The following TINAGL1 variants were observed in gnomAD, a reference collection of about 807,000 sequenced individuals.
TINAGL1 encodes the protein tubulointerstitial nephritis antigen-like.
A neutral mutation model predicts 62.0 loss-of-function variants in TINAGL1; 34 were observed. That is an observed-to-expected ratio of 0.55 (90% CI 0.42 to 0.73). The LOEUF (loss-of-function observed/expected upper bound fraction) is 0.73. Ranked by LOEUF, TINAGL1 falls within the 30% of genes least tolerant of loss-of-function variation. The probability of loss-of-function intolerance (pLI) is 0.00; values close to 1 mark genes in which losing one functional copy is unlikely to be tolerated. For missense variants in TINAGL1, 516 were observed against 653.2 expected, an observed-to-expected ratio of 0.79 and a Z score of 2.29; for synonymous variants, 221 against 249.7, an observed-to-expected ratio of 0.88 and a Z score of 1.08.
chr1:31,580,199 C>CTCTCTGTCTCTCTCTG (rs1553149081), intron 3 of TINAGL1: 3 of 389,506 alleles, frequency 7.7e-6, no homozygotes, highest in Admixed American at 2.2e-4. Flanking sequence ...CTCTCTCTCT[C>CTCTCTGTCTCTCTCTG]TCTCTCTCTC....
At position 31,577,002 on chromosome 1, in the gene TINAGL1, T is replaced by C; in HGVS notation, c.-15-132T>C. 1 of 822,174 alleles carries C rather than the reference T, an allele frequency of 1.2e-6. No individual in the cohort carries two copies. Among genetic ancestry groups the C allele is most frequent in the South Asian group, 2.0e-5 (1 of 51,206 alleles). The allele number at this position is 822,174 out of a possible 1,614,324, so 50.9% of individuals were successfully genotyped here. A position where few individuals can be genotyped will look rare whatever the true frequency, so the allele number is the denominator to read the frequency against. ...ACACACTGGGGCTCCTCTGCCCGTG[T>C]CCTGCCTGGGGACTCAGGAATCGGG... On this transcript the variant is annotated intron_variant, in intron 1 of 11. Transcript: ENST00000271064. This position sits in a 1 kb window ranked among gnomAD's most constrained non-coding sequence, Gnocchi z 5.4.
rs760469425 is a variant in TINAGL1, at chr1:31,585,052, G to A, written c.857+16G>A. 1.3e-6 allele frequency: 2 copies of A among 1,586,654 alleles called. No homozygotes were observed. Among genetic ancestry groups the A allele is most frequent in the Non-Finnish European group, 1.7e-6 (2 of 1,162,082 alleles). The stretch of plus-strand genomic sequence containing the variant: ...GTCGCCGAGGGTATGCAGCAACAGG[G>A]GATGTGGGCAGAGAAGAGGGCAAGG... On this transcript the variant is annotated intron_variant, in intron 7 of 11. Coordinates refer to ENST00000271064, the MANE Select transcript of TINAGL1 (RefSeq NM_022164.3). The surrounding 1 kb of genome is among the most constrained non-coding windows in gnomAD (Gnocchi z 4.3).
In TINAGL1 at chr1:31,585,234, G is replaced by T; in HGVS notation, c.941G>T (p.Arg314Leu). Reference sequence around the variant, plus strand: ...GCGCCCCCCTGTATGATGCACAGCCGAGCCATGGGTCGGGGCAAGCGCCAG... The same window carrying T: ...GCGCCCCCCTGTATGATGCACAGCCTAGCCATGGGTCGGGGCAAGCGCCAG... ...GPAPPCMMHS[R>L]AMGRGKRQAT... Residue 314 changes from arginine (R) to leucine (L), a missense_variant, in exon 8 of 12, where the codon CGA becomes CTA. Transcript: ENST00000271064. This position sits in a 1 kb window ranked among gnomAD's most constrained non-coding sequence, Gnocchi z 4.3. 6.2e-7 allele frequency: 1 copy of T among 1,613,490 alleles called. No homozygotes were observed. Among genetic ancestry groups the T allele is most frequent in the Non-Finnish European group, 8.5e-7 (1 of 1,179,724 alleles).
Position 31,582,515 on chromosome 1 carries a change from T to C in TINAGL1, c.375-634T>C, listed in dbSNP as rs10914445. ...TGTGATGTGAAGCCAGTGGAGGGTTTTGGGCAGAGGAACGACATGATATGA... is the reference window on the plus strand; with the variant it reads ...TGTGATGTGAAGCCAGTGGAGGGTTCTGGGCAGAGGAACGACATGATATGA... On this transcript the variant is annotated intron_variant, in intron 3 of 11. Transcript: ENST00000271064. 3.0e-3 allele frequency among the ~76,000 whole-genome samples: 463 copies of C among 152,160 alleles called. 3 individuals are homozygous for C. Among genetic ancestry groups the C allele is most frequent in the African/African-American group, 0.01 (418 of 41,498 alleles).
chr1:31,577,074 T>C lies in TINAGL1; in HGVS notation c.-15-60T>C. The stretch of plus-strand genomic sequence containing the variant: ...TCTTGAACTCACAGCTCCAGGAAAC[T>C]GGGAGACTCATCCCTGGTGTTCCAG... On this transcript the variant is annotated intron_variant, in intron 1 of 11. Coordinates refer to ENST00000271064, the MANE Select transcript of TINAGL1 (RefSeq NM_022164.3). This position sits in a 1 kb window ranked among gnomAD's most constrained non-coding sequence, Gnocchi z 5.4. 1 of 1,371,022 alleles carries C rather than the reference T, an allele frequency of 7.3e-7. No individual in the cohort carries two copies. The highest frequency in any genetic ancestry group is 9.6e-7 in the Non-Finnish European group (1 of 1,042,446). 84.9% of individuals were successfully genotyped at this position (1,371,022 alleles called of 1,614,324 possible).
In TINAGL1 at chr1:31,579,020, G is replaced by C. The variant is rs184592497; in HGVS notation, c.311-184G>C. Among the ~76,000 whole-genome samples, 126 of 150,910 alleles carry C rather than the reference G, an allele frequency of 8.3e-4. 21 individuals carry two copies. In the East Asian group the frequency reaches 0.024, roughly 29 times the overall value. On this transcript the variant is annotated intron_variant, in intron 2 of 11. Coordinates refer to ENST00000271064, the MANE Select transcript of TINAGL1 (RefSeq NM_022164.3). ...AGCTGGTGTGTGTGTGTGTGTGTGT[G>C]TGTGATGTCTTCAGTTATAGTTTAA...
At chr1:31,580,053 T>C (rs944088423) in intron 3 of TINAGL1, among the ~76,000 whole-genome samples, 1 of 144,622 alleles carries the variant, frequency 6.9e-6, no homozygotes, top group East Asian at 2.2e-4. Context: ...TCAGCGTGAC[T>C]GTGTGTGCAC....
rs1251414401 is a variant in TINAGL1 at position 31,576,646 on chromosome 1, CAG to C, written c.-16+52_-16+53del. 1.3e-5 allele frequency: 2 copies of C among 154,568 alleles called. No individual in the cohort carries two copies. The highest frequency in any genetic ancestry group is 1.4e-5 in the Non-Finnish European group (1 of 69,920). 9.6% of individuals were successfully genotyped at this position (154,568 alleles called of 1,614,324 possible). On this transcript the variant is annotated intron_variant, in intron 1 of 11. Coordinates refer to ENST00000271064, the MANE Select transcript of TINAGL1 (RefSeq NM_022164.3). This position sits in a 1 kb window ranked among gnomAD's most constrained non-coding sequence, Gnocchi z 5.1. ...GCGGAAGGTGTAGACAGAGAAGAAA[CAG>C]GGGGAGGGGGCAGGTAGAGGAACCA...
In TINAGL1 at chr1:31,584,801, G is replaced by A; in HGVS notation, c.706G>A (p.Ala236Thr). ...CAGSWAFSTA[A>T]VASDRVSIHS... ...AGGCTCCTGGGCCTTCTCCACAGCA[G>A]GTAAGCCAAGGGCAAGGGCTGGCGC... Residue 236 changes from alanine to threonine, a missense_variant and splice_region_variant, in exon 6 of 12, where the codon GCT becomes ACT. By Grantham distance (58) the Ala-to-Thr change is moderately conservative. Coordinates refer to ENST00000271064, the MANE Select transcript of TINAGL1 (RefSeq NM_022164.3). This position sits in a 1 kb window ranked among gnomAD's most constrained non-coding sequence, Gnocchi z 4.0. 1 of 1,614,260 alleles carries A rather than the reference G, an allele frequency of 6.2e-7. No homozygotes were observed. The highest frequency in any genetic ancestry group is 1.1e-5 in the South Asian group (1 of 91,086).
chr1:31,577,047 C>A lies in TINAGL1; in HGVS notation c.-15-87C>A. 1 of 1,214,336 alleles carries A rather than the reference C, an allele frequency of 8.2e-7. No homozygotes were observed. The highest frequency in any genetic ancestry group is 1.1e-6 in the Non-Finnish European group (1 of 902,652). 75.2% of individuals were successfully genotyped at this position (1,214,336 alleles called of 1,614,324 possible). On this transcript the variant is annotated intron_variant, in intron 1 of 11. Transcript: ENST00000271064. This position sits in a 1 kb window ranked among gnomAD's most constrained non-coding sequence, Gnocchi z 5.4. ...ATCGGGATCTCCCTCCCTGCTGGGC[C>A]CTCTTGAACTCACAGCTCCAGGAAA... is the stretch of plus-strand genomic sequence containing the variant.
In TINAGL1 at chr1:31,577,245, C is replaced by T. The variant is rs770333646; in HGVS notation, c.97C>T (p.Pro33Ser). ...GGGTCGTGGGCGCCGGGAGCTAGCA[C>T]CGGGTCTGCACCTGCGGGGCATCCG... is the stretch of plus-strand genomic sequence containing the variant. Reference protein sequence around the residue: ...QQGRGRRELAPGLHLRGIRDA... With the variant: ...QQGRGRRELASGLHLRGIRDA... Residue 33 changes from proline (P) to serine (S), a missense_variant, in exon 2 of 12, where the codon CCG becomes TCG. Physicochemically the swap from Pro to Ser is moderately conservative, Grantham distance 74. Coordinates refer to ENST00000271064, the MANE Select transcript of TINAGL1 (RefSeq NM_022164.3). This position sits in a 1 kb window ranked among gnomAD's most constrained non-coding sequence, Gnocchi z 5.4. 2 of 1,609,226 alleles carry T rather than the reference C, an allele frequency of 1.2e-6. No individual in the cohort carries two copies. The highest frequency in any genetic ancestry group is 1.7e-6 in the Non-Finnish European group (2 of 1,178,480).
intron 10 of TINAGL1, chr1:31,586,133 A>G (rs939758168): frequency 2.6e-6 from 1 of 392,010 alleles, no homozygotes; most frequent in Non-Finnish European, 4.5e-6. Flanking sequence ...GAGAGCCTCA[A>G]GAGTTTCTCA....
chr1:31,582,911 A>T (rs1021627114), intron 3 of TINAGL1, among the ~76,000 whole-genome samples: 1 of 152,070 alleles, frequency 6.6e-6, no homozygotes, highest in Admixed American at 6.5e-5. Flanking sequence ...AGTGATGTTG[A>T]GTAGCCGTGA....
At position 31,584,283 on chromosome 1, in the gene TINAGL1, G is replaced by A; in HGVS notation, c.583-395G>A. The A allele has an allele frequency of 4.9e-6, 1 of 202,560 alleles. No individual in the cohort carries two copies. Among genetic ancestry groups the A allele is most frequent in the Non-Finnish European group, 1.0e-5 (1 of 98,080 alleles). The allele number at this position is 202,560 out of a possible 1,614,324, so 12.5% of individuals were successfully genotyped here. A position where few individuals can be genotyped will look rare whatever the true frequency, so the allele number is the denominator to read the frequency against. On this transcript the variant is annotated intron_variant, in intron 5 of 11. Transcript: ENST00000271064. The surrounding 1 kb of genome is among the most constrained non-coding windows in gnomAD (Gnocchi z 4.0). ...GACTGCCTGGTCACGGGACCCTACT[G>A]CCTCTTCCCTCCCCTGAGGGAAAGC... is the stretch of plus-strand genomic sequence containing the variant.
Position 31,583,280 on chromosome 1 carries a change from C to A in TINAGL1, c.467+39C>A. ...GAGGCACCCTCAGTGGGCACACATGCATACTCATGCATGTATACACGCATG... is the reference window on the plus strand; with the variant it reads ...GAGGCACCCTCAGTGGGCACACATGAATACTCATGCATGTATACACGCATG... On this transcript the variant is annotated intron_variant, in intron 4 of 11. Coordinates refer to ENST00000271064, the MANE Select transcript of TINAGL1 (RefSeq NM_022164.3). The surrounding 1 kb of genome is among the most constrained non-coding windows in gnomAD (Gnocchi z 4.4). The A allele has an allele frequency of 6.3e-7, 1 of 1,588,434 alleles. No individual in the cohort carries two copies. The highest frequency in any genetic ancestry group is 8.6e-7 in the Non-Finnish European group (1 of 1,156,822).
rs553436849 is a variant in TINAGL1 at position 31,577,156 on chromosome 1, G to T, written c.8G>T (p.Arg3Leu). 2.0e-6 allele frequency: 3 copies of T among 1,531,604 alleles called. No homozygotes were observed. The highest frequency in any genetic ancestry group is 2.0e-5 in the Admixed American group (1 of 50,418). 94.9% of individuals were successfully genotyped at this position (1,531,604 alleles called of 1,614,324 possible). Reference sequence around the variant, plus strand: ...CAGGGCCCAGGAGCCACCATGTGGCGATGTCCACTGGGGCTACTGCTGTTG... The same window carrying T: ...CAGGGCCCAGGAGCCACCATGTGGCTATGTCCACTGGGGCTACTGCTGTTG... Reference protein sequence around the residue: MWRCPLGLLLLLP... With the variant: MWLCPLGLLLLLP... The change falls in exon 2 of 12, where the codon CGA (arginine) becomes CTA (leucine). Residue 3 changes from arginine (R) to leucine (L), a missense_variant. Transcript: ENST00000271064. The surrounding 1 kb of genome is among the most constrained non-coding windows in gnomAD (Gnocchi z 5.4).
At chr1:31,580,656 T>C in intron 3 of TINAGL1, 1 of 1,288,782 alleles carries the variant, frequency 7.8e-7, no homozygotes, top group Non-Finnish European at 1.0e-6. Flanking sequence ...CCCTTGAGGC[T>C]CCTTAAAAGG....
rs1639017494 is a variant in TINAGL1, at chr1:31,577,464, C to T, written c.310+6C>T. 5 of 1,602,038 alleles carry T rather than the reference C, an allele frequency of 3.1e-6. No individual in the cohort carries two copies. Among genetic ancestry groups the T allele is most frequent in the Middle Eastern group, 1.7e-4 (1 of 6,022 alleles). On this transcript the variant is annotated splice_donor_region_variant and intron_variant, in intron 2 of 11. Transcript: ENST00000271064. The surrounding 1 kb of genome is among the most constrained non-coding windows in gnomAD (Gnocchi z 5.4). ...CCCTTTTCCCCCGATCCAAGGTGGG[C>T]ACTAAGATGGCCAGGAGGGTGGGTC...
chr1:31,587,161 G>A lies in TINAGL1; in HGVS notation c.*182G>A. On this transcript the variant is annotated 3_prime_UTR_variant, in exon 12 of 12. Transcript: ENST00000271064. Reference sequence around the variant, plus strand: ...CCCCGCCTGGGAGCCGCGGGCAGGCGAGACTGGCGGAGCCCCCAGACCTCC... The same window carrying A: ...CCCCGCCTGGGAGCCGCGGGCAGGCAAGACTGGCGGAGCCCCCAGACCTCC... 2.1e-6 allele frequency: 2 copies of A among 930,674 alleles called. No homozygotes were observed. The highest frequency in any genetic ancestry group is 2.9e-6 in the Non-Finnish European group (2 of 701,338). 57.7% of individuals were successfully genotyped at this position (930,674 alleles called of 1,614,324 possible).
Sources: allele counts gnomAD v4.1 joint callset (sites outside exome capture counted in the v4.1 genomes callset), GRCh38; gene constraint gnomAD v4.1.1; non-coding constraint Gnocchi (gnomAD v3.1); transcripts MANE v1.5; gene names NCBI Gene and HGNC (gene_info 2026-07-23, HGNC 2026-07-21).